Variants in PITPNM2 observed in about 807,000 individuals in gnomAD.
PITPNM2 encodes membrane-associated phosphatidylinositol transfer protein 2.
In PITPNM2, 35 loss-of-function variants were observed where a neutral mutation model predicts 132.2. The ratio of observed to expected loss-of-function variants is 0.26; its 90% confidence interval spans 0.20 to 0.35. The LOEUF (loss-of-function observed/expected upper bound fraction) is 0.35, where lower values mean the gene tolerates loss of function less well. PITPNM2 is among the 10% of genes least tolerant of loss of function. The probability of loss-of-function intolerance (pLI) is 1.00; values close to 1 mark genes in which losing one functional copy is unlikely to be tolerated. For synonymous variants in PITPNM2, 738 were observed against 799.2 expected, an observed-to-expected ratio of 0.92 and a Z score of 1.29; for missense variants, 1,332 against 1,912.0, an observed-to-expected ratio of 0.70 and a Z score of 5.66.
intron 19 of PITPNM2, 43 bp from the exon 20 acceptor site, chr12:122,988,393 C>G: frequency 6.5e-7 from 1 of 1,549,418 alleles, no homozygotes; most frequent in Non-Finnish European, 8.9e-7. Flanking sequence ...AGATGCCACC[C>G]GGGGGCTTCC....
chr12:122,989,227 T>C (rs1028332602), intron 18 of PITPNM2, among the ~76,000 whole-genome samples: 2 of 152,130 alleles, frequency 1.3e-5, no homozygotes, highest in Non-Finnish European at 2.9e-5. Flanking sequence ...ATTCCTGTTC[T>C]CCTATCTTCC....
intron 1 of PITPNM2, among the ~76,000 whole-genome samples, chr12:123,123,715 A>T (rs2043076687): frequency 6.6e-6 from 1 of 152,120 alleles, no homozygotes; most frequent in African/African-American, 2.4e-5. Flanking sequence ...CAGGTGGATC[A>T]ATTGAGGCCA....
rs1006732047 is a variant in PITPNM2 at position 122,983,528 on chromosome 12, C to G, written c.*2499G>C. 1.3e-5 allele frequency: 2 copies of G among 152,704 alleles called. No individual in the cohort carries two copies. The highest frequency in any genetic ancestry group is 2.9e-5 in the Non-Finnish European group (2 of 68,158). 9.5% of individuals were successfully genotyped at this position (152,704 alleles called of 1,614,324 possible). On this transcript the variant is annotated 3_prime_UTR_variant, in exon 26 of 26. Coordinates refer to ENST00000320201, the MANE Select transcript of PITPNM2 (RefSeq NM_020845.3). ...GGTGTAACAGACATGACGTTGTATACAGAGCACACTCAGGCCCAATGATGC... is the reference window on the plus strand; with the variant it reads ...GGTGTAACAGACATGACGTTGTATAGAGAGCACACTCAGGCCCAATGATGC...
At chr12:123,071,420 A>T (rs1211352438) in intron 2 of PITPNM2, among the ~76,000 whole-genome samples, 2 of 152,142 alleles carry the variant, frequency 1.3e-5, no homozygotes. Context: ...CCAGAGAGAG[A>T]CCCGCAGGCT....
rs2136015479 is a variant in PITPNM2, at chr12:122,984,101, T to A, written c.*1926A>T. The A allele has an allele frequency of 6.5e-6, 1 of 153,004 alleles. No homozygotes were observed. Among genetic ancestry groups the A allele is most frequent in the East Asian group, 1.9e-4 (1 of 5,194 alleles). 9.5% of individuals were successfully genotyped at this position (153,004 alleles called of 1,614,324 possible). A position where few individuals can be genotyped will look rare whatever the true frequency, so the allele number is the denominator to read the frequency against. ...CGCTGGGAGAGCCCCAGGGGACTAT[T>A]GCTGTTGTCCTTGGCATGGCTGGCG... On this transcript the variant is annotated 3_prime_UTR_variant, in exon 26 of 26. Coordinates refer to ENST00000320201, the MANE Select transcript of PITPNM2 (RefSeq NM_020845.3).
At chr12:123,043,381 C>T (rs1394052457) in intron 2 of PITPNM2, among the ~76,000 whole-genome samples, 1 of 152,138 alleles carries the variant, frequency 6.6e-6, no homozygotes, top group Non-Finnish European at 1.5e-5. Flanking sequence ...GGACACAGCT[C>T]CTACCCCCAC....
intron 2 of PITPNM2, among the ~76,000 whole-genome samples, chr12:123,098,169 G>A (rs1299860814): frequency 6.6e-6 from 1 of 152,176 alleles, no homozygotes; most frequent in Non-Finnish European, 1.5e-5. Flanking sequence ...GGAATCATGG[G>A]CCCATTTCCC....
intron 4 of PITPNM2, among the ~76,000 whole-genome samples, chr12:123,013,482 G>A (rs546734180): frequency 4.0e-4 from 61 of 152,344 alleles, no homozygotes; most frequent in Non-Finnish European, 7.5e-4. Context: ...TTTCTTTCCA[G>A]AAGGCTGTCT....
At chr12:123,032,235 T>C (rs1340414274) in intron 3 of PITPNM2, among the ~76,000 whole-genome samples, 1 of 152,228 alleles carries the variant, frequency 6.6e-6, no homozygotes, top group Non-Finnish European at 1.5e-5. Flanking sequence ...TCCCAGCACT[T>C]TGGGAGGCCA....
intron 1 of PITPNM2, among the ~76,000 whole-genome samples, chr12:123,119,239 G>A (rs1430081740): frequency 6.6e-6 from 1 of 152,114 alleles, no homozygotes; most frequent in African/African-American, 2.4e-5. Context: ...ATTCAGCACA[G>A]TTCATTTGTG....
intron 3 of PITPNM2, among the ~76,000 whole-genome samples, chr12:123,029,169 C>A (rs1388504916): frequency 6.6e-6 from 1 of 152,190 alleles, no homozygotes; most frequent in Non-Finnish European, 1.5e-5. Context: ...CCTTGGCCTA[C>A]TAGGGGTCCC....
intron 2 of PITPNM2, among the ~76,000 whole-genome samples, chr12:123,070,694 C>G (rs1474602033): frequency 6.6e-6 from 1 of 152,214 alleles, no homozygotes; most frequent in Non-Finnish European, 1.5e-5. Flanking sequence ...ACAGCTTACA[C>G]AGGCCAGGCC....
At chr12:123,121,717 T>A (rs1373411731) in intron 1 of PITPNM2, among the ~76,000 whole-genome samples, 1 of 151,782 alleles carries the variant, frequency 6.6e-6, no homozygotes, top group African/African-American at 2.4e-5. Context: ...GACTTTAACA[T>A]AATTTTTTTT....
At chr12:123,140,828 T>A (rs887763141) in intron 1 of PITPNM2, among the ~76,000 whole-genome samples, 12 of 152,160 alleles carry the variant, frequency 7.9e-5, no homozygotes, top group African/African-American at 2.9e-4. Flanking sequence ...CATAGACAGA[T>A]GTGATCCCAG....
chr12:123,010,156 C>A (rs961658606), intron 5 of PITPNM2, 79 bp from the exon 6 acceptor site: 10 of 1,225,156 alleles, frequency 8.2e-6, no homozygotes, highest in Non-Finnish European at 1.2e-5. Context: ...CCTCCACCCC[C>A]AAATCCTCCC....
At chr12:123,066,517 G>A (rs2041421608) in intron 2 of PITPNM2, among the ~76,000 whole-genome samples, 1 of 152,138 alleles carries the variant, frequency 6.6e-6, no homozygotes, top group African/African-American at 2.4e-5. Context: ...AGCTGTTGGG[G>A]GTGGGGGCAT....
chr12:123,059,632 GACT>G (rs1304058538), intron 2 of PITPNM2, among the ~76,000 whole-genome samples: 1 of 152,240 alleles, frequency 6.6e-6, no homozygotes, highest in Non-Finnish European at 1.5e-5. Context: ...CTGCACACAG[GACT>G]GGCTTGAGGG....
intron 2 of PITPNM2, among the ~76,000 whole-genome samples, chr12:123,055,026 G>A (rs907139868): frequency 3.3e-5 from 5 of 151,988 alleles, no homozygotes; most frequent in African/African-American, 1.2e-4. Flanking sequence ...TCACACCACA[G>A]CACTCCAGCC....
At chr12:123,122,902 C>CTCAAAAA (rs1342266876) in intron 1 of PITPNM2, among the ~76,000 whole-genome samples, 1 of 152,160 alleles carries the variant, frequency 6.6e-6, no homozygotes, top group Non-Finnish European at 1.5e-5. Flanking sequence ...GGTTGAAAAC[C>CTCAAAAA]ACTGCCTCGC....
Sources: allele counts gnomAD v4.1 joint callset (sites outside exome capture counted in the v4.1 genomes callset), GRCh38; gene constraint gnomAD v4.1.1; transcripts MANE v1.5; gene names NCBI Gene and HGNC (gene_info 2026-07-23, HGNC 2026-07-21).